NEK11: variants seen among roughly 807,000 people sequenced by gnomAD.
The protein encoded by NEK11 is serine/threonine-protein kinase Nek11.
A neutral mutation model predicts 80.7 loss-of-function variants in NEK11; 72 were observed. That is an observed-to-expected ratio of 0.89 (90% CI 0.74 to 1.08). NEK11 has a LOEUF of 1.08. Ranked by LOEUF, NEK11 falls within the 50% of genes least tolerant of loss-of-function variation. The pLI is 0.00. For synonymous variants in NEK11, 251 were observed against 260.7 expected, an observed-to-expected ratio of 0.96 and a Z score of 0.36; for missense variants, 764 against 763.6, an observed-to-expected ratio of 1.00 and a Z score of -0.01.
intron 14 of NEK11, among the ~76,000 whole-genome samples, chr3:131,181,745 CAAAA>C (rs58463955): frequency 2.4e-5 from 2 of 83,122 alleles, no homozygotes; most frequent in African/African-American, 1.0e-4. Flanking sequence ...GACTCCGCCT[CAAAA>C]AAAAAAAAAA....
At chr3:131,102,026 T>C (rs2078440995) in intron 4 of NEK11, among the ~76,000 whole-genome samples, 1 of 152,226 alleles carries the variant, frequency 6.6e-6, no homozygotes, top group Non-Finnish European at 1.5e-5. Flanking sequence ...GGTTATTTTA[T>C]ATGGGAATAG....
At chr3:131,127,878 TGAA>T (rs1328089242) in intron 5 of NEK11, among the ~76,000 whole-genome samples, 1 of 152,196 alleles carries the variant, frequency 6.6e-6, no homozygotes, top group Non-Finnish European at 1.5e-5. Context: ...TTTATTTCTA[TGAA>T]GAAGTTTTTC....
chr3:131,042,404 G>A (rs1301143731), intron 3 of NEK11, among the ~76,000 whole-genome samples: 1 of 152,170 alleles, frequency 6.6e-6, no homozygotes, highest in African/African-American at 2.4e-5. Flanking sequence ...AGGTCGACCT[G>A]GGATGCTGTT....
rs187165406 is a variant in NEK11, at chr3:131,027,860, C to T, written c.-169-70C>T. ...TAAGCACTGCTGGGTTTAGACTGTC[C>T]TTTAAAATAAGAGCCGCTAGAAGTG... On this transcript the variant is annotated intron_variant, in intron 1 of 17. Coordinates refer to ENST00000383366, the MANE Select transcript of NEK11 (RefSeq NM_024800.5). 13 of 152,244 alleles carry T rather than the reference C, an allele frequency of 8.5e-5. No individual in the cohort carries two copies. The East Asian group carries it at 1.7e-3, about 20-fold the overall frequency. 9.4% of individuals were successfully genotyped at this position (152,244 alleles called of 1,614,324 possible). A position where few individuals can be genotyped will look rare whatever the true frequency, so the allele number is the denominator to read the frequency against.
chr3:131,207,535 C>G (rs1281721666), intron 14 of NEK11, among the ~76,000 whole-genome samples: 1 of 152,032 alleles, frequency 6.6e-6, no homozygotes, highest in African/African-American at 2.4e-5. Flanking sequence ...GTGAGCCGAG[C>G]CTGGGTGCAC....
chr3:131,125,269 A>G (rs1407035829), intron 5 of NEK11, among the ~76,000 whole-genome samples: 1 of 152,300 alleles, frequency 6.6e-6, no homozygotes, highest in East Asian at 1.9e-4. Flanking sequence ...AAATGTTGTT[A>G]GTCAGAATTT....
intron 17 of NEK11, among the ~76,000 whole-genome samples, chr3:131,303,386 A>G (rs1352845307): frequency 2.0e-5 from 3 of 152,138 alleles, no homozygotes; most frequent in African/African-American, 7.2e-5. Flanking sequence ...AGCTGGGGTT[A>G]TTATATAGAC....
chr3:131,041,985 C>T (rs974071857), intron 3 of NEK11, among the ~76,000 whole-genome samples: 1 of 152,098 alleles, frequency 6.6e-6, no homozygotes, highest in African/African-American at 2.4e-5. Flanking sequence ...CACCTCACCC[C>T]GGAAGTGCAA....
At chr3:131,285,285 T>G (rs2096456800) in intron 17 of NEK11, among the ~76,000 whole-genome samples, 1 of 150,836 alleles carries the variant, frequency 6.6e-6, no homozygotes, top group Non-Finnish European at 1.5e-5. Context: ...GAAACAGGAG[T>G]GGGTAGAGAG....
At chr3:131,268,557 A>G (rs540379319) in intron 16 of NEK11, among the ~76,000 whole-genome samples, 2 of 152,318 alleles carry the variant, frequency 1.3e-5, no homozygotes, top group South Asian at 2.1e-4. Flanking sequence ...AGTTTGCTGG[A>G]GGTCCACTCC....
chr3:131,263,166 C>T (rs2095966815), intron 16 of NEK11, among the ~76,000 whole-genome samples: 1 of 151,880 alleles, frequency 6.6e-6, no homozygotes, highest in African/African-American at 2.4e-5. Context: ...AGGTGTATCT[C>T]CTAATGCTAT....
intron 3 of NEK11, among the ~76,000 whole-genome samples, chr3:131,047,366 A>T (rs2067567303): frequency 6.6e-6 from 1 of 152,118 alleles, no homozygotes; most frequent in African/African-American, 2.4e-5. Context: ...TCGTATTACC[A>T]GGATTGTTTT....
In NEK11 at chr3:131,228,619, A is replaced by G. The variant is rs773616867; in HGVS notation, c.1491A>G (p.Ile497Met). 1 of 1,613,772 alleles carries G rather than the reference A, an allele frequency of 6.2e-7. No homozygotes were observed. Among genetic ancestry groups the G allele is most frequent in the Non-Finnish European group, 8.5e-7 (1 of 1,179,740 alleles). The change falls in exon 15 of 18, where the codon ATA becomes ATG. Residue 497 changes from isoleucine (I) to methionine (M), a missense_variant. By Grantham distance (10) the Ile-to-Met change is conservative. Transcript: ENST00000383366. ...AGAGTGATGAGGAGGAAGAAGAAAT[A>G]GCGTTAGAAAGACCAGAGAAAGAAA... is the stretch of plus-strand genomic sequence containing the variant. Reference protein sequence around the residue: ...CEESDEEEEEIALERPEKEIR... With the variant: ...CEESDEEEEEMALERPEKEIR...
chr3:131,168,865 G>A lies in NEK11; in HGVS notation c.1212G>A (p.Glu404=). The part of the protein sequence containing the change: ...KTHLKGMEEK[E]EQPEGRLSCS... ...ATTTAAAAGGAATGGAAGAAAAGGAGGAGCAACCTGAGGGAAGACTTTCTT... is the reference window on the plus strand; with the variant it reads ...ATTTAAAAGGAATGGAAGAAAAGGAAGAGCAACCTGAGGGAAGACTTTCTT... Residue 404 remains glutamate, a synonymous_variant, in exon 13 of 18, where the codon GAG becomes GAA. Coordinates refer to ENST00000383366, the MANE Select transcript of NEK11 (RefSeq NM_024800.5). 6.2e-7 allele frequency: 1 copy of A among 1,613,986 alleles called. No homozygotes were observed. The highest frequency in any genetic ancestry group is 1.1e-5 in the South Asian group (1 of 91,040).
Position 131,073,015 on chromosome 3 carries a change from G to A in NEK11, c.171-7408G>A, listed in dbSNP as rs151211921. Among the ~76,000 whole-genome samples, 92 of 152,122 alleles carry A rather than the reference G, an allele frequency of 6.0e-4. No homozygotes were observed. In the East Asian group the frequency reaches 0.014, roughly 23 times the overall value. On this transcript the variant is annotated intron_variant, in intron 3 of 17. Coordinates refer to ENST00000383366, the MANE Select transcript of NEK11 (RefSeq NM_024800.5). ...GGGGAAGGGCTTTGCATGACACAGC[G>A]GTCAGACATTTTATCTTTTCTCCAT...
chr3:131,142,959 G>A (rs1042458359), intron 7 of NEK11, among the ~76,000 whole-genome samples: 3 of 152,088 alleles, frequency 2.0e-5, no homozygotes, highest in Non-Finnish European at 4.4e-5. Context: ...ACCTTGTTTT[G>A]TCAATAATTT....
At chr3:131,163,532 T>C (rs1276496739) in intron 11 of NEK11, among the ~76,000 whole-genome samples, 3 of 152,136 alleles carry the variant, frequency 2.0e-5, no homozygotes, top group Non-Finnish European at 4.4e-5. Context: ...ATATGGAATC[T>C]TAAAAAGTTA....
intron 16 of NEK11, among the ~76,000 whole-genome samples, chr3:131,263,257 A>G (rs895440400): frequency 6.6e-6 from 1 of 152,022 alleles, no homozygotes; most frequent in Non-Finnish European, 1.5e-5. Flanking sequence ...TCATTGTTCA[A>G]TTCTTACCAA....
rs570808867 is a variant in NEK11 at position 131,199,964 on chromosome 3, G to T, written c.1400-28564G>T. On this transcript the variant is annotated intron_variant, in intron 14 of 17. Transcript: ENST00000383366. ...AACAGTATTTCAGGAAATAACAGGGGAAAATTTTCCAGAATTGATGGATAT... is the reference window on the plus strand; with the variant it reads ...AACAGTATTTCAGGAAATAACAGGGTAAAATTTTCCAGAATTGATGGATAT... Among the ~76,000 whole-genome samples the T allele has an allele frequency of 4.7e-3, 712 of 152,190 alleles. 4 individuals are homozygous for T. The highest frequency in any genetic ancestry group is 0.016 in the African/African-American group (647 of 41,552).
Sources: allele counts gnomAD v4.1 joint callset (sites outside exome capture counted in the v4.1 genomes callset), GRCh38; gene constraint gnomAD v4.1.1; transcripts MANE v1.5; gene names NCBI Gene and HGNC (gene_info 2026-07-23, HGNC 2026-07-21).